The following FAM81A variants were observed in gnomAD, a reference collection of about 807,000 sequenced individuals.
FAM81A encodes protein FAM81A.
A neutral mutation model predicts 46.7 loss-of-function variants in FAM81A; 19 were observed. The ratio of observed to expected loss-of-function variants is 0.41; its 90% confidence interval spans 0.28 to 0.60. The LOEUF (loss-of-function observed/expected upper bound fraction) is 0.60, where lower values mean the gene tolerates loss of function less well. Ranked by LOEUF, FAM81A falls within the 20% of genes least tolerant of loss-of-function variation. The pLI, the probability that FAM81A is intolerant of heterozygous loss-of-function variation, is 0.34. For synonymous variants in FAM81A, 183 were observed against 152.9 expected (o/e 1.20, Z -1.45); for missense variants, 377 against 453.5 (o/e 0.83, Z 1.53).
intron 1 of FAM81A, among the ~76,000 whole-genome samples, chr15:59,398,018 A>T (rs1393507236): frequency 6.6e-6 from 1 of 151,974 alleles, no homozygotes; most frequent in Non-Finnish European, 1.5e-5. Context: ...CATCCAAGAG[A>T]CAGAACTTGC....
chr15:59,458,761 A>G (rs7359171), intron 2 of FAM81A, 115 bp downstream of exon 2: 732,403 of 972,264 alleles, frequency 0.75, 277,221 homozygotes, highest in East Asian at 0.86. Context: ...GGCAAGAGAA[A>G]CACTATTGTG....
chr15:59,414,957 A>C (rs1412355179), intron 2 of FAM81A, among the ~76,000 whole-genome samples: 1 of 151,658 alleles, frequency 6.6e-6, no homozygotes, highest in African/African-American at 2.4e-5. Flanking sequence ...CTGGGACTAC[A>C]GGCGTCCGCC....
intron 4 of FAM81A, among the ~76,000 whole-genome samples, chr15:59,497,261 C>A (rs1219203972): frequency 1.3e-5 from 2 of 152,012 alleles, no homozygotes; most frequent in African/African-American, 4.8e-5. Context: ...GCCTGGCCAA[C>A]ATGGTGAAAT....
intron 3 of FAM81A, among the ~76,000 whole-genome samples, chr15:59,486,757 G>A (rs2081921698): frequency 6.6e-6 from 1 of 152,030 alleles, no homozygotes; most frequent in South Asian, 2.1e-4. Context: ...AAAAAACTTA[G>A]CATAAAACCT....
At chr15:59,410,028 A>G (rs776353095) in intron 2 of FAM81A, among the ~76,000 whole-genome samples, 15 of 152,194 alleles carry the variant, frequency 9.9e-5, no homozygotes, top group Non-Finnish European at 1.9e-4. Flanking sequence ...CAGGCCGGGC[A>G]TTGTGGCTCA....
At chr15:59,442,352 C>T (rs1477668794) in intron 1 of FAM81A, among the ~76,000 whole-genome samples, 1 of 152,070 alleles carries the variant, frequency 6.6e-6, no homozygotes, top group African/African-American at 2.4e-5. Flanking sequence ...GTGGCTCATG[C>T]TTGTAATCCC....
At chr15:59,470,227 G>GT (rs1382311759) in intron 3 of FAM81A, among the ~76,000 whole-genome samples, 1 of 152,122 alleles carries the variant, frequency 6.6e-6, no homozygotes, top group Non-Finnish European at 1.5e-5. Flanking sequence ...GGTGTTCTCT[G>GT]TATTTCCTGA....
chr15:59,438,166 G>A (rs1456781618), upstream of FAM81A: 1 of 146,222 alleles, frequency 6.8e-6, no homozygotes, highest in Non-Finnish European at 1.5e-5. Context: ...ATTGGACGGC[G>A]CTCCCCGCGG....
chr15:59,426,008 A>G (rs1209014936), intron 2 of FAM81A, among the ~76,000 whole-genome samples: 2 of 152,192 alleles, frequency 1.3e-5, no homozygotes, highest in Non-Finnish European at 2.9e-5. Flanking sequence ...TATATTTGGA[A>G]CAATTTGCTA....
chr15:59,518,939 G>C (rs1027913740), intron 8 of FAM81A, among the ~76,000 whole-genome samples: 5 of 125,166 alleles, frequency 4.0e-5, no homozygotes, highest in Non-Finnish European at 8.8e-5. Context: ...TTGTGTGTGT[G>C]TGTCTGTGTG....
chr15:59,407,690 G>T (rs1051281420), intron 2 of FAM81A: 1 of 170,748 alleles, frequency 5.9e-6, no homozygotes, highest in Non-Finnish European at 1.2e-5. Context: ...GTCACCACCA[G>T]CTGAGCCTTC....
Position 59,521,415 on chromosome 15 carries a change from C to T in FAM81A, c.*37C>T, listed in dbSNP as rs776622647. 5.1e-6 allele frequency: 8 copies of T among 1,564,254 alleles called. No homozygotes were observed. Among genetic ancestry groups the T allele is most frequent in the Non-Finnish European group, 6.9e-6 (8 of 1,153,752 alleles). On this transcript the variant is annotated 3_prime_UTR_variant, in exon 9 of 9. Transcript: ENST00000288228. ...ACAAGGTCCTAAAAGACAGTTTTGC[C>T]AGTGGGGCTAGGAGCCGGATACCTC...
At chr15:59,459,452 G>A (rs1208107929) in intron 2 of FAM81A, among the ~76,000 whole-genome samples, 1 of 152,138 alleles carries the variant, frequency 6.6e-6, no homozygotes, top group Non-Finnish European at 1.5e-5. Flanking sequence ...CAGAACTGTG[G>A]CTCCCTTTAG....
At chr15:59,482,753 A>G (rs570388220) in intron 3 of FAM81A, among the ~76,000 whole-genome samples, 7 of 152,334 alleles carry the variant, frequency 4.6e-5, no homozygotes, top group Non-Finnish European at 8.8e-5. Flanking sequence ...ACTACATACA[A>G]AAAGAATAAG....
chr15:59,494,828 A>G (rs996048818), intron 4 of FAM81A, among the ~76,000 whole-genome samples: 2 of 152,130 alleles, frequency 1.3e-5, no homozygotes, highest in Non-Finnish European at 2.9e-5. Flanking sequence ...TATAGTTTTT[A>G]TGTGTCCATT....
At chr15:59,517,543 C>G (rs187601074) in intron 8 of FAM81A, among the ~76,000 whole-genome samples, 1 of 152,212 alleles carries the variant, frequency 6.6e-6, no homozygotes, top group East Asian at 1.9e-4. Flanking sequence ...AGAAGACGTT[C>G]CTGTAGTGTG....
intron 3 of FAM81A, among the ~76,000 whole-genome samples, chr15:59,478,638 A>G (rs1307357795): frequency 4.6e-5 from 7 of 152,216 alleles, no homozygotes; most frequent in African/African-American, 1.7e-4. Context: ...TTTGGTGATT[A>G]TCATCCAAAT....
At chr15:59,458,156 A>G (rs2081506714) in intron 1 of FAM81A, among the ~76,000 whole-genome samples, 1 of 152,206 alleles carries the variant, frequency 6.6e-6, no homozygotes, top group Middle Eastern at 3.2e-3. Context: ...GATCAAATTT[A>G]CTGAGGTAGT....
Position 59,500,932 on chromosome 15 carries a change from A to G in FAM81A, c.414-6281A>G, listed in dbSNP as rs527303038. Among the ~76,000 whole-genome samples, 3 of 152,170 alleles carry G rather than the reference A, an allele frequency of 2.0e-5. No individual in the cohort carries two copies. In the South Asian group the frequency reaches 6.2e-4, roughly 32 times the overall value. On this transcript the variant is annotated intron_variant, in intron 4 of 8. Coordinates refer to ENST00000288228, the MANE Select transcript of FAM81A (RefSeq NM_152450.3). ...TACTTTTAAAATTGTGGTTTCAATC[A>G]TCCTATGTTTGCTCATTCTATATTT...
Sources: gnomAD v4.1 joint callset for allele counts (sites outside exome capture counted in the v4.1 genomes callset) on GRCh38, gnomAD v4.1.1 for gene constraint, MANE v1.5 for transcripts, NCBI Gene and HGNC (gene_info 2026-07-23, HGNC 2026-07-21) for gene names.